Variants in SEMA3C observed in about 807,000 individuals in gnomAD.
SEMA3C encodes semaphorin-3C.
SEMA3C carries 47 observed loss-of-function variants against 89.4 expected under a neutral mutation model. That is an observed-to-expected ratio of 0.53 (90% CI 0.42 to 0.67). The LOEUF is 0.67. Among genes scored for constraint, SEMA3C ranks in the 30% least tolerant of loss-of-function variants. The pLI, the probability that SEMA3C is intolerant of heterozygous loss-of-function variation, is 0.00. For synonymous variants in SEMA3C, 310 were observed against 320.2 expected (o/e 0.97, Z 0.34); for missense variants, 839 against 929.1 (o/e 0.90, Z 1.26).
At chr7:80,849,623 C>A (rs772651137) in intron 2 of SEMA3C, among the ~76,000 whole-genome samples, 6 of 151,942 alleles carry the variant, frequency 3.9e-5, no homozygotes, top group African/African-American at 4.8e-5. Context: ...TTGGTTGGTG[C>A]AAATATAAAT....
chr7:80,781,813 C>A (rs1314329597), intron 12 of SEMA3C, among the ~76,000 whole-genome samples: 1 of 152,124 alleles, frequency 6.6e-6, no homozygotes, highest in Non-Finnish European at 1.5e-5. Context: ...GGGCAACACT[C>A]AGGGATGTGG....
intron 5 of SEMA3C, among the ~76,000 whole-genome samples, chr7:80,816,668 T>C (rs1230474017): frequency 6.6e-6 from 1 of 152,200 alleles, no homozygotes; most frequent in Non-Finnish European, 1.5e-5. Context: ...TTTATAAAGC[T>C]TAAAAATCAT....
rs756917531 is a variant in SEMA3C, at chr7:80,789,470, A to T, written c.1190T>A (p.Val397Asp). 3.1e-6 allele frequency: 5 copies of T among 1,614,002 alleles called. No homozygotes were observed. The highest frequency in any genetic ancestry group is 2.2e-5 in the East Asian group (1 of 44,860). The change falls in exon 12 of 18, where the codon GTT (valine) becomes GAT (aspartate). Residue 397 changes from valine to aspartate, a missense_variant. Transcript: ENST00000265361. ...MRTTKEFPDDVVTFIRNHPLM... is the reference protein window; with the variant it reads ...MRTTKEFPDDDVTFIRNHPLM... ...AGGATGGTTCCGAATAAAAGTGACA[A>T]CATCATCTGGGAACTCCTTGGTGGT...
chr7:80,784,516 T>G (rs1038905282), intron 12 of SEMA3C, among the ~76,000 whole-genome samples: 2 of 152,116 alleles, frequency 1.3e-5, no homozygotes, highest in African/African-American at 4.8e-5. Flanking sequence ...CATAATGAAT[T>G]ACTGTATTAT....
At chr7:80,909,830 A>G (rs958585924) in intron 2 of SEMA3C, among the ~76,000 whole-genome samples, 2 of 152,174 alleles carry the variant, frequency 1.3e-5, no homozygotes, top group Non-Finnish European at 2.9e-5. Context: ...ATTCTTATTT[A>G]TGTATTGCCT....
chr7:80,843,998 T>C (rs1355945160), intron 2 of SEMA3C, among the ~76,000 whole-genome samples: 1 of 152,126 alleles, frequency 6.6e-6, no homozygotes, highest in Non-Finnish European at 1.5e-5. Flanking sequence ...AAAATGTTAT[T>C]AACCAAGTTT....
intron 12 of SEMA3C, among the ~76,000 whole-genome samples, chr7:80,773,437 T>G (rs1788478617): frequency 6.6e-6 from 1 of 152,182 alleles, no homozygotes; most frequent in Non-Finnish European, 1.5e-5. Flanking sequence ...GAGGGCAATA[T>G]GACCATTAAC....
At position 80,876,602 on chromosome 7, in the gene SEMA3C, C is replaced by T. The variant is rs561136853; in HGVS notation, c.103+40077G>A. Among the ~76,000 whole-genome samples the T allele has an allele frequency of 5.9e-5, 9 of 152,106 alleles. No homozygotes were observed. In the East Asian group the frequency reaches 1.7e-3, roughly 29 times the overall value. ...GTAAAACATTTGCAAAGTGTGTTCC[C>T]AAATAATGAGAATGTTACCAAATTA... On this transcript the variant is annotated intron_variant, in intron 2 of 17. Coordinates refer to ENST00000265361, the MANE Select transcript of SEMA3C (RefSeq NM_006379.5).
chr7:80,914,946 T>C (rs1792233797), intron 2 of SEMA3C, among the ~76,000 whole-genome samples: 1 of 152,206 alleles, frequency 6.6e-6, no homozygotes, highest in Admixed American at 6.5e-5. Context: ...TGAATTGCAA[T>C]TGCTTTTTCA....
intron 4 of SEMA3C, among the ~76,000 whole-genome samples, chr7:80,823,157 TTA>T (rs1255548587): frequency 1.3e-5 from 2 of 152,194 alleles, no homozygotes; most frequent in African/African-American, 4.8e-5. Context: ...TTAAGAGTGA[TTA>T]TGTTTCAGTA....
chr7:80,857,623 A>G (rs1373083811), intron 2 of SEMA3C, among the ~76,000 whole-genome samples: 2 of 152,216 alleles, frequency 1.3e-5, no homozygotes, highest in Non-Finnish European at 2.9e-5. Context: ...AAAAATTAAT[A>G]GAATATCTTT....
chr7:80,792,412 G>A (rs1788965772), intron 11 of SEMA3C, among the ~76,000 whole-genome samples: 1 of 152,208 alleles, frequency 6.6e-6, no homozygotes, highest in Non-Finnish European at 1.5e-5. Context: ...AAACTGAAAT[G>A]TCTCCTTAAG....
intron 2 of SEMA3C, among the ~76,000 whole-genome samples, chr7:80,879,489 C>A (rs2116090445): frequency 6.6e-6 from 1 of 152,180 alleles, no homozygotes; most frequent in Admixed American, 6.5e-5. Flanking sequence ...AGATGCTGCA[C>A]AAGAATTGGG....
chr7:80,750,487 C>CACACACACACACACACACACACACAT (rs1787908388), intron 16 of SEMA3C, among the ~76,000 whole-genome samples: 1 of 143,170 alleles, frequency 7.0e-6, no homozygotes, highest in Non-Finnish European at 1.5e-5. Context: ...CACACACACA[C>CACACACACACACACACACACACACAT]ACACACACAC....
At chr7:80,815,446 G>C (rs1209172015) in intron 5 of SEMA3C, among the ~76,000 whole-genome samples, 1 of 149,172 alleles carries the variant, frequency 6.7e-6, no homozygotes, top group Non-Finnish European at 1.5e-5. Context: ...CCTACTCTGA[G>C]AAGCTTAGTA....
chr7:80,879,216 AT>A (rs1385942801), intron 2 of SEMA3C, among the ~76,000 whole-genome samples: 2 of 152,176 alleles, frequency 1.3e-5, no homozygotes, highest in Admixed American at 6.5e-5. Context: ...TAAAAAAAAA[AT>A]AAAGAAAAAC....
intron 2 of SEMA3C, among the ~76,000 whole-genome samples, chr7:80,862,123 C>T (rs1374027143): frequency 6.6e-6 from 1 of 152,070 alleles, no homozygotes; most frequent in East Asian, 1.9e-4. Flanking sequence ...AAATAAAGGG[C>T]ATCCAAATAG....
At chr7:80,788,665 T>C (rs1788860751) in intron 12 of SEMA3C, among the ~76,000 whole-genome samples, 1 of 152,156 alleles carries the variant, frequency 6.6e-6, no homozygotes, top group Admixed American at 6.5e-5. Flanking sequence ...ACTGATAGAA[T>C]TTGTAGATGT....
intron 2 of SEMA3C, among the ~76,000 whole-genome samples, chr7:80,884,571 A>G (rs1791428308): frequency 6.6e-6 from 1 of 152,222 alleles, no homozygotes; most frequent in Admixed American, 6.5e-5. Context: ...CAGTCTAAAC[A>G]GAAGAGGCAA....
Sources: gnomAD v4.1 joint callset for allele counts (sites outside exome capture counted in the v4.1 genomes callset) on GRCh38, gnomAD v4.1.1 for gene constraint, MANE v1.5 for transcripts, NCBI Gene and HGNC (gene_info 2026-07-23, HGNC 2026-07-21) for gene names.